The following SHROOM4 variants were observed in gnomAD, a reference collection of about 807,000 sequenced individuals.
SHROOM4 encodes the protein protein Shroom4.
In SHROOM4, 17 loss-of-function variants were observed where a neutral mutation model predicts 80.3. That is an observed-to-expected ratio of 0.21 (90% CI 0.14 to 0.32). SHROOM4 has a LOEUF of 0.32. Ranked by LOEUF, SHROOM4 falls within the 10% of genes least tolerant of loss-of-function variation. The pLI is 1.00. For synonymous variants in SHROOM4, 400 were observed against 437.5 expected (o/e 0.91, Z 1.07); for missense variants, 993 against 1,140.3 (o/e 0.87, Z 1.86).
chrX:50,774,782 A>C (rs1434836478), intron 1 of SHROOM4, among the ~76,000 whole-genome samples: 2 of 111,547 alleles, frequency 1.8e-5, no homozygotes, highest in African/African-American at 6.5e-5. Flanking sequence ...CCAGCAGCCA[A>C]GACACAAAGG....
At chrX:50,728,009 TTGG>T (rs1934279300) in intron 1 of SHROOM4, among the ~76,000 whole-genome samples, 2 of 111,917 alleles carry the variant, frequency 1.8e-5, no homozygotes, top group African/African-American at 3.3e-5. Context: ...AATGGAGATC[TTGG>T]TGAGCAATTT....
intron 5 of SHROOM4, among the ~76,000 whole-genome samples, chrX:50,624,241 T>C (rs1482944224): frequency 2.7e-5 from 3 of 112,009 alleles, no homozygotes; most frequent in Non-Finnish European, 5.6e-5. Context: ...CAGACCACCA[T>C]GCCATCTATT....
chrX:50,649,430 T>C (rs1203931098), intron 2 of SHROOM4, among the ~76,000 whole-genome samples: 1 of 111,567 alleles, frequency 9.0e-6, no homozygotes, highest in African/African-American at 3.3e-5. Context: ...TGCAGAGCTA[T>C]AGTTCAGTGA....
At chrX:50,751,077 A>G (rs1323472504) in intron 1 of SHROOM4, among the ~76,000 whole-genome samples, 2 of 112,366 alleles carry the variant, frequency 1.8e-5, no homozygotes, top group African/African-American at 3.2e-5. Context: ...CATTTTTAAA[A>G]GCAGTATTAA....
intron 5 of SHROOM4, among the ~76,000 whole-genome samples, chrX:50,619,454 G>A (rs113449161): frequency 0.042 from 4,664 of 109,782 alleles, 220 homozygotes; most frequent in African/African-American, 0.15. Context: ...TACACAGGGA[G>A]GGGAGAAGGA....
At chrX:50,756,637 T>C (rs1449946770) in intron 1 of SHROOM4, among the ~76,000 whole-genome samples, 1 of 112,515 alleles carries the variant, frequency 8.9e-6, no homozygotes, top group Admixed American at 9.4e-5. Flanking sequence ...TGTTCTGATA[T>C]GCCACATCCT....
At chrX:50,652,099 G>A (rs938444778) in intron 2 of SHROOM4, among the ~76,000 whole-genome samples, 1 of 111,984 alleles carries the variant, frequency 8.9e-6, no homozygotes, top group South Asian at 3.8e-4. Context: ...TATATATCCA[G>A]TAATGGGATT....
In SHROOM4 at chrX:50,764,897, A is replaced by G. The variant is rs1249721074; in HGVS notation, c.117+49005T>C. On this transcript the variant is annotated intron_variant, in intron 1 of 8. Coordinates refer to ENST00000376020, the MANE Select transcript of SHROOM4 (RefSeq NM_020717.5). ...AGGTTTAATGGACTCACAATTCCACATGGCTGGGGAGGCCCCACGATCATG... is the reference window on the plus strand; with the variant it reads ...AGGTTTAATGGACTCACAATTCCACGTGGCTGGGGAGGCCCCACGATCATG... Among the ~76,000 whole-genome samples, 12 of 112,264 alleles carry G rather than the reference A, an allele frequency of 1.1e-4. No homozygotes were observed. The Admixed American group carries it at 1.1e-3, about 11-fold the overall frequency.
chrX:50,701,255 G>A (rs781806524), intron 1 of SHROOM4, among the ~76,000 whole-genome samples: 1 of 111,926 alleles, frequency 8.9e-6, no homozygotes, highest in Non-Finnish European at 1.9e-5. Flanking sequence ...ATTTGGTGGT[G>A]AGGACAGGGG....
At chrX:50,616,580 G>T (rs1288846693) in intron 5 of SHROOM4, among the ~76,000 whole-genome samples, 1 of 111,547 alleles carries the variant, frequency 9.0e-6, no homozygotes, top group Non-Finnish European at 1.9e-5. Context: ...CCACTAGTCT[G>T]GGAAAACAGC....
intron 1 of SHROOM4, among the ~76,000 whole-genome samples, chrX:50,754,383 A>G (rs1014316506): frequency 8.9e-6 from 1 of 112,188 alleles, no homozygotes; most frequent in African/African-American, 3.2e-5. Context: ...AATAAACAAA[A>G]CAGGCAAAGA....
chrX:50,807,387 T>C (rs986906394), intron 1 of SHROOM4, among the ~76,000 whole-genome samples: 19 of 111,553 alleles, frequency 1.7e-4, no homozygotes, highest in African/African-American at 5.5e-4. Context: ...GGGAAATATA[T>C]ATCTGACAGT....
At chrX:50,791,577 CTTTTTTTTTTT>C (rs782127144) in intron 1 of SHROOM4, among the ~76,000 whole-genome samples, 6 of 57,991 alleles carry the variant, frequency 1.0e-4, no homozygotes, top group African/African-American at 3.6e-4. Context: ...CCATGCCTGA[CTTTTTTTTTTT>C]TTTTTTTTTT....
At chrX:50,715,597 C>T (rs1481377426) in intron 1 of SHROOM4, among the ~76,000 whole-genome samples, 1 of 111,292 alleles carries the variant, frequency 9.0e-6, no homozygotes. Context: ...ATATGCTCAA[C>T]ATCACCAATC....
rs144879491 is a variant in SHROOM4 at position 50,608,150 on chromosome X, C to T, written c.2992G>A (p.Ala998Thr). The stretch of plus-strand genomic sequence containing the variant: ...TCAAGGCAAGGATGGAAAGGGGTTG[C>T]CCATGAAAAGCTAGTCTTGGAATGA... Reference protein sequence around the residue: ...MAHSKTSFSWATPFHPCLENP... With the variant: ...MAHSKTSFSWTTPFHPCLENP... The change falls in exon 6 of 9, where the codon GCA becomes ACA. Residue 998 changes from alanine to threonine, a missense_variant. Transcript: ENST00000376020. 2 of 1,211,440 alleles carry T rather than the reference C, an allele frequency of 1.7e-6. No homozygotes were observed. Among genetic ancestry groups the T allele is most frequent in the African/African-American group, 3.5e-5 (2 of 57,716 alleles).
At chrX:50,704,772 C>T (rs547517019) in intron 1 of SHROOM4, among the ~76,000 whole-genome samples, 1 of 110,899 alleles carries the variant, frequency 9.0e-6, no homozygotes, top group Admixed American at 9.6e-5. Flanking sequence ...CAGATGTGGA[C>T]GAAGGGAGAG....
intron 2 of SHROOM4, among the ~76,000 whole-genome samples, chrX:50,665,205 G>A (rs1359195616): frequency 9.0e-6 from 1 of 110,763 alleles, no homozygotes; most frequent in East Asian, 2.8e-4. Flanking sequence ...CATCACTTTA[G>A]TTGCAAGCAG....
chrX:50,657,073 T>C (rs184862638), intron 2 of SHROOM4, among the ~76,000 whole-genome samples: 4 of 111,580 alleles, frequency 3.6e-5, no homozygotes, highest in Non-Finnish European at 3.8e-5. Flanking sequence ...TGTTAGTGTA[T>C]AGAAACATTA....
intron 1 of SHROOM4, among the ~76,000 whole-genome samples, chrX:50,801,067 G>GA (rs1182346009): frequency 2.8e-5 from 3 of 108,923 alleles, no homozygotes; most frequent in Non-Finnish European, 1.9e-5. Context: ...TCAAGGGCTT[G>GA]AAAAAAAACA....
Sources: gnomAD v4.1 joint callset for allele counts (sites outside exome capture counted in the v4.1 genomes callset) on GRCh38, gnomAD v4.1.1 for gene constraint, MANE v1.5 for transcripts, NCBI Gene and HGNC (gene_info 2026-07-23, HGNC 2026-07-21) for gene names.